Variants in AGBL4 observed in about 807,000 individuals in gnomAD.
AGBL4 encodes AGBL carboxypeptidase 4, also known as cytosolic carboxypeptidase 6.
AGBL4 carries 58 observed loss-of-function variants against 66.4 expected under a neutral mutation model. The ratio of observed to expected loss-of-function variants is 0.87; its 90% CI spans 0.71 to 1.09. The LOEUF (loss-of-function observed/expected upper bound fraction) is 1.09. Ranked by LOEUF, AGBL4 falls within the 50% of genes least tolerant of loss-of-function variation. The pLI is 0.00. For synonymous variants in AGBL4, 234 were observed against 222.9 expected, an observed-to-expected ratio of 1.05 and a Z score of -0.44; for missense variants, 579 against 631.0, an observed-to-expected ratio of 0.92 and a Z score of 0.88.
At chr1:49,948,578 TATATAG>T (rs1405010713) in intron 1 of AGBL4, among the ~76,000 whole-genome samples, 21 of 126,476 alleles carry the variant, frequency 1.7e-4, no homozygotes, top group African/African-American at 4.9e-4. Flanking sequence ...TATATATATA[TATATAG>T]AGAGAGAGAG....
intron 9 of AGBL4, among the ~76,000 whole-genome samples, chr1:48,607,649 T>A (rs902813531): frequency 6.6e-6 from 1 of 152,044 alleles, no homozygotes; most frequent in African/African-American, 2.4e-5. Flanking sequence ...GAAAGTCTGT[T>A]GAACGGCACC....
chr1:49,491,750 A>C (rs1390452177), intron 3 of AGBL4, among the ~76,000 whole-genome samples: 1 of 151,900 alleles, frequency 6.6e-6, no homozygotes, highest in Non-Finnish European at 1.5e-5. Flanking sequence ...TGGGACAGTC[A>C]GGATTAAAAT....
At chr1:48,821,352 A>G (rs1410441980) in intron 6 of AGBL4, among the ~76,000 whole-genome samples, 1 of 152,216 alleles carries the variant, frequency 6.6e-6, no homozygotes, top group Non-Finnish European at 1.5e-5. Flanking sequence ...CTAAGTGTCC[A>G]TCAGTGGCTG....
chr1:49,168,134 C>T lies in AGBL4; in HGVS notation c.377+77636G>A, dbSNP rs147642399. ...TTGATATCCGAGGGGGCTCCTGGAACGAATACCTAAGAACACTAAACCATG... is the reference window on the plus strand; with the variant it reads ...TTGATATCCGAGGGGGCTCCTGGAATGAATACCTAAGAACACTAAACCATG... On this transcript the variant is annotated intron_variant, in intron 4 of 13. Coordinates refer to ENST00000371839, the MANE Select transcript of AGBL4 (RefSeq NM_032785.4). Among the ~76,000 whole-genome samples the T allele has an allele frequency of 2.5e-3, 383 of 152,116 alleles. 12 individuals carry two copies. The East Asian group carries it at 0.061, about 24-fold the overall frequency.
At chr1:49,248,999 C>G (rs1384313536) in intron 3 of AGBL4, among the ~76,000 whole-genome samples, 1 of 152,118 alleles carries the variant, frequency 6.6e-6, no homozygotes, top group African/African-American at 2.4e-5. Flanking sequence ...TGGAGTACTG[C>G]CCATCCTGAC....
At chr1:49,153,381 G>A (rs538971503) in intron 4 of AGBL4, among the ~76,000 whole-genome samples, 44 of 152,068 alleles carry the variant, frequency 2.9e-4, no homozygotes, top group Admixed American at 1.9e-3. Flanking sequence ...CGGCACTCAG[G>A]CAAATATTAT....
chr1:50,019,641 C>T (rs987378658), intron 1 of AGBL4, among the ~76,000 whole-genome samples: 4 of 151,940 alleles, frequency 2.6e-5, no homozygotes, highest in Admixed American at 2.6e-4. Context: ...GATAAAGGTA[C>T]GGTCCATTTT....
chr1:49,327,924 T>A (rs1645257395), intron 3 of AGBL4, among the ~76,000 whole-genome samples: 1 of 152,090 alleles, frequency 6.6e-6, no homozygotes. Flanking sequence ...TCCTGGCAAA[T>A]AAGCTACAGG....
chr1:49,022,328 A>G (rs1663309581), intron 5 of AGBL4, among the ~76,000 whole-genome samples: 1 of 152,102 alleles, frequency 6.6e-6, no homozygotes, highest in Non-Finnish European at 1.5e-5. Flanking sequence ...AAAAAGGTAG[A>G]ATTCTTAGGT....
chr1:49,948,115 T>C (rs1211599957), intron 1 of AGBL4, among the ~76,000 whole-genome samples: 9 of 80,714 alleles, frequency 1.1e-4, no homozygotes, highest in Admixed American at 8.3e-4. Context: ...TATGTAAATG[T>C]ATGTAAATAT....
intron 3 of AGBL4, among the ~76,000 whole-genome samples, chr1:49,610,866 C>T (rs1437575330): frequency 6.6e-6 from 1 of 152,144 alleles, no homozygotes; most frequent in Admixed American, 6.5e-5. Context: ...CCTAGTCTAG[C>T]ATATCACTCG....
At chr1:48,579,116 C>T (rs1644697214) in intron 11 of AGBL4, among the ~76,000 whole-genome samples, 1 of 152,336 alleles carries the variant, frequency 6.6e-6, no homozygotes, top group Non-Finnish European at 1.5e-5. Context: ...GTCCCTTATA[C>T]TCAATATATT....
At chr1:48,626,116 C>T (rs1432866848) in intron 9 of AGBL4, among the ~76,000 whole-genome samples, 1 of 152,150 alleles carries the variant, frequency 6.6e-6, no homozygotes, top group Non-Finnish European at 1.5e-5. Context: ...ATTTCCTGGG[C>T]CACGTAGGTA....
chr1:49,198,172 C>T (rs1647384260), intron 4 of AGBL4, among the ~76,000 whole-genome samples: 1 of 152,040 alleles, frequency 6.6e-6, no homozygotes, highest in African/African-American at 2.4e-5. Context: ...CTCACACTCC[C>T]TCTCTCGTAT....
intron 3 of AGBL4, among the ~76,000 whole-genome samples, chr1:49,280,885 C>A (rs1025438922): frequency 6.6e-6 from 1 of 151,886 alleles, no homozygotes; most frequent in Admixed American, 6.6e-5. Flanking sequence ...ATAAATAGAC[C>A]TATAATTCAA....
At chr1:49,610,606 G>A (rs957128784) in intron 3 of AGBL4, among the ~76,000 whole-genome samples, 9 of 152,160 alleles carry the variant, frequency 5.9e-5, no homozygotes, top group African/African-American at 1.7e-4. Flanking sequence ...TCTCATGAAG[G>A]GACTAGTGCC....
chr1:48,543,381 ACCATCCATCCAT>A lies in AGBL4; in HGVS notation c.1268-3655_1268-3644del, dbSNP rs10568742. 4.0e-3 allele frequency among the ~76,000 whole-genome samples: 600 copies of A among 148,554 alleles called. 2 individuals carry two copies. The highest frequency in any genetic ancestry group is 7.0e-3 in the Middle Eastern group (2 of 286). On this transcript the variant is annotated intron_variant, in intron 11 of 13. Coordinates refer to ENST00000371839, the MANE Select transcript of AGBL4 (RefSeq NM_032785.4). Reference sequence around the variant, plus strand: ...GTGAGTAACAGTGCAGAAATGATTTACCATCCATCCATCCATCCATCCATCCATCCATCCATC... The same window carrying A: ...GTGAGTAACAGTGCAGAAATGATTTACCATCCATCCATCCATCCATCCATC...
At position 49,530,284 on chromosome 1, in the gene AGBL4, T is replaced by TAAAAAAAAAAAAAAA. The variant is rs1570959521; in HGVS notation, c.282+167028_282+167029insTTTTTTTTTTTTTTT. On this transcript the variant is annotated intron_variant, in intron 3 of 13. Transcript: ENST00000371839. ...TAAAAAAAAAAAAACAAAAAAAAAC[T>TAAAAAAAAAAAAAAA]CTATGAGTTTTTTTTTATTATTATA... 5.6e-5 allele frequency among the ~76,000 whole-genome samples: 2 copies of TAAAAAAAAAAAAAAA among 35,782 alleles called. 1 individual carries two copies. The highest frequency in any genetic ancestry group is 1.3e-3 in the South Asian group (2 of 1,532). 23.5% of individuals were successfully genotyped at this position (35,782 alleles called of 152,430 possible). A position where few individuals can be genotyped will look rare whatever the true frequency, so the allele number is the denominator to read the frequency against.
At chr1:48,967,065 C>G (rs538909664) in intron 5 of AGBL4, among the ~76,000 whole-genome samples, 2 of 111,220 alleles carry the variant, frequency 1.8e-5, no homozygotes, top group Non-Finnish European at 4.2e-5. Context: ...CACACACATA[C>G]ACAAAGACAC....
Sources: gnomAD v4.1 joint callset for allele counts (sites outside exome capture counted in the v4.1 genomes callset) on GRCh38, gnomAD v4.1.1 for gene constraint, MANE v1.5 for transcripts, NCBI Gene and HGNC (gene_info 2026-07-23, HGNC 2026-07-21) for gene names.